TRIM21: variants seen among roughly 807,000 people sequenced by gnomAD.
TRIM21 encodes the protein E3 ubiquitin-protein ligase TRIM21.
Under a neutral mutation model 36.1 loss-of-function variants are expected in TRIM21, and 35 were observed. The observed-to-expected ratio is 0.97, with a 90% CI of 0.74 to 1.28. The LOEUF is 1.28. Among genes scored for constraint, TRIM21 ranks in the 50% most tolerant of loss-of-function variants. The probability of loss-of-function intolerance (pLI) is 0.00; values close to 1 mark genes in which losing one functional copy is unlikely to be tolerated. For missense variants in TRIM21, 635 were observed against 570.7 expected (o/e 1.11, Z -1.15); for synonymous variants, 256 against 211.5 (o/e 1.21, Z -1.83).
rs2094954789 is a variant in TRIM21, at chr11:4,385,294, A to C, written c.1419T>G (p.Thr473=). The C allele has an allele frequency of 6.2e-7, 1 of 1,611,098 alleles. No individual in the cohort carries two copies. Among genetic ancestry groups the C allele is most frequent in the Non-Finnish European group, 8.5e-7 (1 of 1,178,922 alleles). The change falls in exon 7 of 7, where the codon ACT becomes ACG. Residue 473 remains threonine (T), a synonymous_variant. Coordinates refer to ENST00000254436, the MANE Select transcript of TRIM21 (RefSeq NM_003141.4). ...CPLNIGSQGS[T]DY ...TGTCCAGAGAAAGCCATCAATAGTC[A>C]GTGGATCCTTGTGATCCAATATTCA...
At chr11:4,389,899 G>T (rs2094960757) in intron 2 of TRIM21, 103 bp downstream of exon 2, 1 of 1,513,560 alleles carries the variant, frequency 6.6e-7, no homozygotes. Context: ...GACATGGAGA[G>T]AGGTAAACCC....
intron 1 of TRIM21, among the ~76,000 whole-genome samples, chr11:4,390,697 A>T (rs939810869): frequency 1.3e-5 from 2 of 152,236 alleles, no homozygotes; most frequent in African/African-American, 4.8e-5. Flanking sequence ...GAGCTAAAGT[A>T]ACCCAAACAG....
In TRIM21 at chr11:4,389,998, T is replaced by C; in HGVS notation, c.408+4A>G. ...GCACTCACCAGGTGTCTCTTAGGCC[T>C]CACCTGGTACTCCTGTGCAGCCTCC... On this transcript the variant is annotated splice_donor_region_variant and intron_variant, in intron 2 of 6. Coordinates refer to ENST00000254436, the MANE Select transcript of TRIM21 (RefSeq NM_003141.4). 1 of 1,613,146 alleles carries C rather than the reference T, an allele frequency of 6.2e-7. No individual in the cohort carries two copies. Among genetic ancestry groups the C allele is most frequent in the Non-Finnish European group, 8.5e-7 (1 of 1,179,368 alleles).
At chr11:4,390,695 G>A (rs2094962116) in intron 1 of TRIM21, among the ~76,000 whole-genome samples, 1 of 152,112 alleles carries the variant, frequency 6.6e-6, no homozygotes, top group Admixed American at 6.5e-5. Flanking sequence ...TAGAGCTAAA[G>A]TAACCCAAAC....
chr11:4,390,470 G>C lies in TRIM21; in HGVS notation c.-49-12C>G. The C allele has an allele frequency of 6.7e-7, 1 of 1,495,206 alleles. No individual in the cohort carries two copies. The highest frequency in any genetic ancestry group is 9.0e-7 in the Non-Finnish European group (1 of 1,111,044). The allele number at this position is 1,495,206 out of a possible 1,614,324, so 92.6% of individuals were successfully genotyped here. On this transcript the variant is annotated splice_polypyrimidine_tract_variant and intron_variant, in intron 1 of 6. Transcript: ENST00000254436. Reference sequence around the variant, plus strand: ...TTTAGGGGGTTTGGCTGGGAGAGAAGAAGAAAGGGAAAAGAGAATATGAGA... The same window carrying C: ...TTTAGGGGGTTTGGCTGGGAGAGAACAAGAAAGGGAAAAGAGAATATGAGA...
chr11:4,389,962 C>G (rs1160587821), intron 2 of TRIM21, 40 bp downstream of exon 2: 1 of 1,601,094 alleles, frequency 6.2e-7, no homozygotes, highest in South Asian at 1.1e-5. Flanking sequence ...ATTCCCTGCT[C>G]TGAAAACGAA....
In TRIM21 at chr11:4,385,740, A is replaced by ATCTC; in HGVS notation, c.969_972dup (p.Phe325GlufsTer3). On this transcript the variant is annotated frameshift_variant, in exon 7 of 7. Coordinates refer to ENST00000254436, the MANE Select transcript of TRIM21 (RefSeq NM_003141.4). LOFTEE classifies it low-confidence loss of function (END_TRUNC). ...CCCAGGACCATAGGATAACTATCAA[A>ATCTC]TCTCTCTTCATTTCCAGGTATGCTC... 1 of 1,613,342 alleles carries ATCTC rather than the reference A, an allele frequency of 6.2e-7. No individual in the cohort carries two copies. The highest frequency in any genetic ancestry group is 8.5e-7 in the Non-Finnish European group (1 of 1,179,694).
chr11:4,388,202 G>A, intron 4 of TRIM21, 98 bp downstream of exon 4: 2 of 1,041,172 alleles, frequency 1.9e-6, no homozygotes, highest in Non-Finnish European at 2.8e-6. Context: ...GAACATTCCA[G>A]GGACCAGGTG....
At chr11:4,393,479 G>A (rs1237051600) in intron 1 of TRIM21, among the ~76,000 whole-genome samples, 154 bp downstream of exon 1, 1 of 152,206 alleles carries the variant, frequency 6.6e-6, no homozygotes, top group Non-Finnish European at 1.5e-5. Context: ...CACCGGAAGC[G>A]CAGCTGGTCT....
At chr11:4,386,539 C>G (rs572010085) in intron 5 of TRIM21, among the ~76,000 whole-genome samples, 1 of 152,302 alleles carries the variant, frequency 6.6e-6, no homozygotes, top group South Asian at 2.1e-4. Flanking sequence ...ATTTTATAGG[C>G]AAGCAATCTG....
intron 6 of TRIM21, 101 bp from the exon 7 acceptor site, chr11:4,385,954 G>C: frequency 8.0e-7 from 1 of 1,254,672 alleles, no homozygotes; most frequent in Non-Finnish European, 1.1e-6. Flanking sequence ...TAAGCATGAG[G>C]GGTGAACCTC....
chr11:4,391,831 C>G (rs2599588), intron 1 of TRIM21, among the ~76,000 whole-genome samples: 126,182 of 152,174 alleles, frequency 0.83, 52,409 homozygotes, highest in East Asian at 0.86. Context: ...GGCACAGAAA[C>G]ACAAACATTG....
At chr11:4,390,524 A>C in intron 1 of TRIM21, 66 bp from the exon 2 acceptor site, 1 of 1,008,482 alleles carries the variant, frequency 9.9e-7, no homozygotes, top group Non-Finnish European at 1.4e-6. Flanking sequence ...CAAAAAGTCA[A>C]CATAATCCCT....
chr11:4,392,250 G>T (rs1168248893), intron 1 of TRIM21, among the ~76,000 whole-genome samples: 1 of 151,950 alleles, frequency 6.6e-6, no homozygotes, highest in Admixed American at 6.6e-5. Flanking sequence ...ACAAAATGAT[G>T]CAAAGGAAAA....
chr11:4,389,654 C>T lies in TRIM21; in HGVS notation c.504G>A (p.Lys168=), dbSNP rs373961598. Residue 168 remains lysine (K), a splice_region_variant and synonymous_variant, in exon 3 of 7, where the codon AAG becomes AAA. Transcript: ENST00000254436. The part of the protein sequence containing the change: ...VEIAIKRADW[K]KTVETQKSRI... The stretch of plus-strand genomic sequence containing the variant: ...ATCTCCTTCAGGATGTCATTCTTAC[C>T]TTCCAGTCTGCTCTCTTTATTGCAA... 6.2e-7 allele frequency: 1 copy of T among 1,613,554 alleles called. No homozygotes were observed. The highest frequency in any genetic ancestry group is 8.5e-7 in the Non-Finnish European group (1 of 1,179,510).
rs374402312 is a variant in TRIM21, at chr11:4,385,758, G to A, written c.955C>T (p.Pro319Ser). 12 of 1,613,542 alleles carry A rather than the reference G, an allele frequency of 7.4e-6. No individual in the cohort carries two copies. The East Asian group carries it at 8.9e-5, about 12-fold the overall frequency. Residue 319 changes from proline (P) to serine (S), a missense_variant, in exon 7 of 7, where the codon CCT becomes TCT. Physicochemically the swap from Pro to Ser is moderately conservative, Grantham distance 74. Coordinates refer to ENST00000254436, the MANE Select transcript of TRIM21 (RefSeq NM_003141.4). ...CTATCAAATCTCTCTTCATTTCCAG[G>A]TATGCTCTGCTGGGTGTCTCCAAGC... Reference protein sequence around the residue: ...VRLGDTQQSIPGNEERFDSYP... With the variant: ...VRLGDTQQSISGNEERFDSYP...
chr11:4,386,199 A>G lies in TRIM21; in HGVS notation c.817T>C (p.Cys273Arg), dbSNP rs771699573. The G allele has an allele frequency of 1.2e-5, 20 of 1,613,714 alleles. 1 individual carries two copies. In the South Asian group the frequency reaches 2.2e-4, roughly 18 times the overall value. Residue 273 changes from cysteine to arginine, a missense_variant, in exon 6 of 7, where the codon TGC (cysteine) becomes CGC (arginine). Cys to Arg is a radical substitution (Grantham distance 180). Transcript: ENST00000254436. Reference sequence around the variant, plus strand: ...ATCTTCTTCAGCCCTGGCACATGGCACACACTCCTGAGTTCTGGAGAGGTA... The same window carrying G: ...ATCTTCTTCAGCCCTGGCACATGGCGCACACTCCTGAGTTCTGGAGAGGTA... ...DITSPELRSV[C>R]HVPGLKKMLR...
chr11:4,390,670 C>T lies in TRIM21; in HGVS notation c.-49-212G>A, dbSNP rs73431098. Among the ~76,000 whole-genome samples, 1,286 of 152,234 alleles carry T rather than the reference C, an allele frequency of 8.4e-3. 13 individuals carry two copies. The highest frequency in any genetic ancestry group is 0.029 in the African/African-American group (1,215 of 41,524). On this transcript the variant is annotated intron_variant, in intron 1 of 6. Coordinates refer to ENST00000254436, the MANE Select transcript of TRIM21 (RefSeq NM_003141.4). ...AAACTGGAGGAATCACATCATCTGA[C>T]GTCAAATTATACTGTAGAGCTAAAG... is the stretch of plus-strand genomic sequence containing the variant.
intron 5 of TRIM21, 63 bp from the exon 6 acceptor site, chr11:4,386,320 C>T: frequency 1.5e-6 from 2 of 1,348,200 alleles, no homozygotes; most frequent in Non-Finnish European, 2.1e-6. Context: ...AACACTATAA[C>T]CTCCATTGTG....
Sources: allele counts gnomAD v4.1 joint callset (sites outside exome capture counted in the v4.1 genomes callset), GRCh38; gene constraint gnomAD v4.1.1; transcripts MANE v1.5; gene names NCBI Gene and HGNC (gene_info 2026-07-23, HGNC 2026-07-21).